JAK2: variants seen among roughly 807,000 people sequenced by gnomAD.
JAK2 encodes Janus kinase 2, also known as tyrosine-protein kinase JAK2.
JAK2 carries 86 observed loss-of-function variants against 139.3 expected under a neutral mutation model. The observed-to-expected ratio is 0.62, with a 90% CI of 0.52 to 0.74. The LOEUF (loss-of-function observed/expected upper bound fraction) is 0.74, where lower values mean the gene tolerates loss of function less well. Ranked by LOEUF, JAK2 falls within the 30% of genes least tolerant of loss-of-function variation. The pLI is 0.00. For missense variants in JAK2, 1,421 were observed against 1,360.3 expected (o/e 1.04, Z -0.70); for synonymous variants, 490 against 437.7 (o/e 1.12, Z -1.49).
rs902448931 is a variant in JAK2 at position 5,061,224 on chromosome 9, G to A, written c.1057-3659G>A. Among the ~76,000 whole-genome samples, 10 of 152,338 alleles carry A rather than the reference G, an allele frequency of 6.6e-5. No individual in the cohort carries two copies. The East Asian group carries it at 1.2e-3, about 18-fold the overall frequency. The stretch of plus-strand genomic sequence containing the variant: ...AAATGAGCGCTGGTTTGAATTTCAA[G>A]TCACCAATGGCATAGGCCCTTAGCA... On this transcript the variant is annotated intron_variant, in intron 8 of 24. Transcript: ENST00000381652.
intron 19 of JAK2, among the ~76,000 whole-genome samples, chr9:5,087,545 C>G (rs114387611): frequency 0.026 from 3,893 of 152,154 alleles, 137 homozygotes; most frequent in African/African-American, 0.087. Context: ...TCTTTCTTTT[C>G]GCTGTATTTT....
rs1351460850 is a variant in JAK2, at chr9:5,069,028, A to G, written c.1333A>G (p.Asn445Asp). ...TATAATTAAACTTATACAGCGAGAA[A>G]ATGTCATTGAATATAAACACTGTTT... ...YFLTFAVERE[N>D]VIEYKHCLIT... Residue 445 changes from asparagine to aspartate, a missense_variant, in exon 11 of 25, where the codon AAT (asparagine) becomes GAT (aspartate). Transcript: ENST00000381652. 1 of 1,571,530 alleles carries G rather than the reference A, an allele frequency of 6.4e-7. No homozygotes were observed. Among genetic ancestry groups the G allele is most frequent in the Non-Finnish European group, 8.7e-7 (1 of 1,154,000 alleles).
At position 5,127,793 on chromosome 9, in the gene JAK2, A is replaced by G; in HGVS notation, c.*1002A>G. The G allele has an allele frequency of 4.3e-6, 1 of 232,664 alleles. No homozygotes were observed. The highest frequency in any genetic ancestry group is 5.6e-5 in the Admixed American group (1 of 17,758). 14.4% of individuals were successfully genotyped at this position (232,664 alleles called of 1,614,324 possible). On this transcript the variant is annotated 3_prime_UTR_variant, in exon 25 of 25. Transcript: ENST00000381652. ...TCATTAAGAAGTGCAGCAGGTTAAG[A>G]ATTTTTTCCTAAAGACTGTATATTT...
chr9:5,083,839 A>G (rs1406561224), intron 19 of JAK2, among the ~76,000 whole-genome samples: 1 of 152,186 alleles, frequency 6.6e-6, no homozygotes, highest in Non-Finnish European at 1.5e-5. Flanking sequence ...GGAAAATATT[A>G]CAATGAAGAT....
At position 5,086,620 on chromosome 9, in the gene JAK2, C is replaced by A. The variant is rs540611712; in HGVS notation, c.2572-3054C>A. 8.5e-5 allele frequency among the ~76,000 whole-genome samples: 13 copies of A among 152,300 alleles called. No homozygotes were observed. The East Asian group carries it at 2.1e-3, about 25-fold the overall frequency. On this transcript the variant is annotated intron_variant, in intron 19 of 24. Transcript: ENST00000381652. Reference sequence around the variant, plus strand: ...AAAAAAAAATTCCTTGGCTTCTCTACCCCAAAGTTATGATTATGTTAAATG... The same window carrying A: ...AAAAAAAAATTCCTTGGCTTCTCTAACCCAAAGTTATGATTATGTTAAATG...
intron 22 of JAK2, among the ~76,000 whole-genome samples, chr9:5,120,051 AT>A (rs1015993517): frequency 6.6e-6 from 1 of 152,328 alleles, no homozygotes; most frequent in African/African-American, 2.4e-5. Context: ...ACAGAAATTT[AT>A]TTCTCACACT....
rs903293047 is a variant in JAK2 at position 5,024,350 on chromosome 9, T to C, written c.226+2137T>C. Among the ~76,000 whole-genome samples, 5 of 152,280 alleles carry C rather than the reference T, an allele frequency of 3.3e-5. No homozygotes were observed. In the South Asian group the frequency reaches 6.2e-4, roughly 19 times the overall value. On this transcript the variant is annotated intron_variant, in intron 3 of 24. Coordinates refer to ENST00000381652, the MANE Select transcript of JAK2 (RefSeq NM_004972.4). ...TTTTTTTTTGACAGATTTTATTGAA[T>C]TCCTAGGGCCAAAAGAAAATAATAG...
chr9:5,006,345 G>C (rs62541529), intron 2 of JAK2, among the ~76,000 whole-genome samples: 52,176 of 151,824 alleles, frequency 0.34, 9,682 homozygotes, highest in African/African-American at 0.49. Flanking sequence ...GATTTTGTAT[G>C]CTGAGACTTT....
At chr9:5,050,888 C>T (rs928672000) in intron 6 of JAK2, 57 bp downstream of exon 6, 17 of 1,428,570 alleles carry the variant, frequency 1.2e-5, no homozygotes, top group South Asian at 3.6e-5. Context: ...TTATATAATT[C>T]GTATATATTT....
intron 4 of JAK2, among the ~76,000 whole-genome samples, chr9:5,030,213 A>G (rs1417606298): frequency 6.6e-6 from 1 of 152,198 alleles, no homozygotes; most frequent in African/African-American, 2.4e-5. Flanking sequence ...AATGTTTGGG[A>G]TATTGCTGGT....
chr9:5,040,750 G>A (rs1036708113), intron 4 of JAK2, among the ~76,000 whole-genome samples: 2 of 152,248 alleles, frequency 1.3e-5, no homozygotes, highest in African/African-American at 4.8e-5. Context: ...GTCCGGGACC[G>A]TGGTGTGCCA....
rs370755448 is a variant in JAK2 at position 5,081,711 on chromosome 9, C to A, written c.2435-14C>A. 1.7e-5 allele frequency: 26 copies of A among 1,563,646 alleles called. No individual in the cohort carries two copies. The Admixed American group carries it at 4.4e-4, about 26-fold the overall frequency. ...TTTGCTAATTTAAGGTGATAATATT[C>A]TTTATTTCTCCAGATTATGAACTAT... On this transcript the variant is annotated splice_polypyrimidine_tract_variant and intron_variant, in intron 18 of 24. Transcript: ENST00000381652.
chr9:4,988,769 C>T (rs570076300), intron 2 of JAK2, among the ~76,000 whole-genome samples: 37 of 152,270 alleles, frequency 2.4e-4, no homozygotes, highest in Non-Finnish European at 4.7e-4. Flanking sequence ...TACTTCTGTT[C>T]ATCTCCTTAA....
chr9:5,086,010 A>C (rs1412685947), intron 19 of JAK2: 2 of 822,556 alleles, frequency 2.4e-6, no homozygotes, highest in African/African-American at 3.3e-5. Flanking sequence ...AAACTGTGAT[A>C]TACTATATAC....
At chr9:5,109,897 A>C (rs967959708) in intron 22 of JAK2, 1 of 152,188 alleles carries the variant, frequency 6.6e-6, no homozygotes, top group African/African-American at 2.4e-5. Context: ...ATCGGATGAG[A>C]AGGTATAGGA....
intron 2 of JAK2, among the ~76,000 whole-genome samples, chr9:4,998,777 G>C (rs1332005837): frequency 6.6e-6 from 1 of 151,440 alleles, no homozygotes; most frequent in Admixed American, 6.6e-5. Context: ...AACCAGAAAA[G>C]GGATACATTT....
chr9:5,105,208 A>G (rs1462007077), intron 22 of JAK2, among the ~76,000 whole-genome samples: 1 of 152,250 alleles, frequency 6.6e-6, no homozygotes, highest in African/African-American at 2.4e-5. Context: ...AACTTCAGCA[A>G]AGTCTCAGGA....
chr9:5,054,452 G>A lies in JAK2; in HGVS notation c.615-111G>A, dbSNP rs527244864. 2.1e-3 allele frequency: 1,756 copies of A among 841,860 alleles called. 11 individuals carry two copies. The highest frequency in any genetic ancestry group is 2.1e-3 in the Non-Finnish European group (1,145 of 533,034). The allele number at this position is 841,860 out of a possible 1,614,324, so 52.1% of individuals were successfully genotyped here. A position where few individuals can be genotyped will look rare whatever the true frequency, so the allele number is the denominator to read the frequency against. On this transcript the variant is annotated intron_variant, in intron 6 of 24. Transcript: ENST00000381652. This position sits in a 1 kb window ranked among gnomAD's most constrained non-coding sequence, Gnocchi z 4.9. ...ACTTACGCCACTTGGCCACTGTGTTGTAAGGCCTACTTAATCATGGAAAAA... is the reference window on the plus strand; with the variant it reads ...ACTTACGCCACTTGGCCACTGTGTTATAAGGCCTACTTAATCATGGAAAAA...
At chr9:5,033,182 G>A (rs1280417980) in intron 4 of JAK2, among the ~76,000 whole-genome samples, 1 of 152,170 alleles carries the variant, frequency 6.6e-6, no homozygotes, top group Non-Finnish European at 1.5e-5. Context: ...GAAGTGAGAA[G>A]AGAAGTTTAG....
Sources: gnomAD v4.1 joint callset for allele counts (sites outside exome capture counted in the v4.1 genomes callset) on GRCh38, gnomAD v4.1.1 for gene constraint, Gnocchi (gnomAD v3.1) non-coding constraint, MANE v1.5 for transcripts, NCBI Gene and HGNC (gene_info 2026-07-23, HGNC 2026-07-21) for gene names.